MYH7B: variants seen among roughly 807,000 people sequenced by gnomAD.
The protein encoded by MYH7B is myosin heavy chain 7B.
In MYH7B, 205 loss-of-function variants were observed where a neutral mutation model predicts 234.5. The observed-to-expected ratio is 0.87, with a 90% CI of 0.78 to 0.98. MYH7B has a LOEUF of 0.98. Ranked by LOEUF, MYH7B falls within the 50% of genes least tolerant of loss-of-function variation. MYH7B has a pLI of 0.00. For synonymous variants in MYH7B, 1,193 were observed against 1,105.0 expected (o/e 1.08, Z -1.58); for missense variants, 2,652 against 2,633.4 (o/e 1.01, Z -0.15).
intron 5 of MYH7B, 130 bp from the exon 6 acceptor site, chr20:34,979,260 A>G: frequency 4.6e-6 from 3 of 655,998 alleles, no homozygotes; most frequent in Non-Finnish European, 7.7e-6. Context: ...CTTCACTGGA[A>G]CTCCTGGGTC....
chr20:34,992,566 T>G (rs1354460979), intron 24 of MYH7B, among the ~76,000 whole-genome samples: 1 of 147,250 alleles, frequency 6.8e-6, no homozygotes, highest in Non-Finnish European at 1.5e-5. Flanking sequence ...GTTGTGTTTT[T>G]TTTTTTTTTT....
At chr20:34,994,095 T>C (rs1362020474) in intron 26 of MYH7B, 51 bp from the exon 27 acceptor site, 8 of 1,594,004 alleles carry the variant, frequency 5.0e-6, no homozygotes, top group African/African-American at 1.3e-5. Context: ...GTGTCACCAT[T>C]TGTGACGGGC....
chr20:34,995,362 G>A (rs2082235154), exon 28 of MYH7B: 2 of 1,613,630 alleles, frequency 1.2e-6, no homozygotes, highest in Non-Finnish European at 1.7e-6. Flanking sequence ...CAGATGCCGA[G>A]GAGCGCTGCC....
intron 10 of MYH7B, among the ~76,000 whole-genome samples, chr20:34,983,272 CTTTT>C (rs1414194372): frequency 2.2e-5 from 3 of 134,446 alleles, no homozygotes; most frequent in South Asian, 2.5e-4. Context: ...TTTTCTCTTT[CTTTT>C]TTCTTTCTTT....
chr20:34,980,440 C>T (rs1391213302), intron 7 of MYH7B, 138 bp from the exon 8 acceptor site: 3 of 742,914 alleles, frequency 4.0e-6, no homozygotes, highest in South Asian at 3.3e-5. Flanking sequence ...TCCTAGCTAC[C>T]CTGGGAGGCT....
chr20:34,975,558 T>C (rs896396152), intron 3 of MYH7B, 59 bp downstream of exon 3: 2 of 709,622 alleles, frequency 2.8e-6, no homozygotes, highest in Admixed American at 2.0e-5. Context: ...CTTTATAAGA[T>C]CATTCACTGC....
exon 45 of MYH7B, chr20:35,002,281 CCT>C (rs2082408152): frequency 7.0e-7 from 1 of 1,420,166 alleles, no homozygotes; most frequent in South Asian, 1.4e-5. Flanking sequence ...TGCATCGCCC[CCT>C]GCTGCCTTCA....
intron 38 of MYH7B, 108 bp from the exon 39 acceptor site, chr20:35,000,185 G>C (rs937528016): frequency 4.5e-6 from 6 of 1,320,228 alleles, no homozygotes; most frequent in Non-Finnish European, 6.2e-6. Context: ...ATCGGGGAGG[G>C]GTGACTCATT....
At chr20:34,984,792 G>T in intron 11 of MYH7B, 62 bp from the exon 12 acceptor site, 1 of 1,601,672 alleles carries the variant, frequency 6.2e-7, no homozygotes, top group African/African-American at 1.3e-5. Flanking sequence ...GCCACGGGTG[G>T]CTCTGGCCTC....
chr20:34,957,510 C>T (rs1180894199), intron 1 of MYH7B, among the ~76,000 whole-genome samples: 2 of 91,682 alleles, frequency 2.2e-5, no homozygotes, highest in African/African-American at 4.0e-5. Context: ...TTTTTTGAGA[C>T]GGAGTTTTCG....
exon 39 of MYH7B, chr20:35,000,508 A>C: frequency 6.3e-7 from 1 of 1,597,372 alleles, no homozygotes; most frequent in Middle Eastern, 2.1e-4. Context: ...GGGCGGGACG[A>C]GGAGCAGCGG....
At chr20:34,960,361 G>C (rs1172181165) in intron 2 of MYH7B, among the ~76,000 whole-genome samples, 1 of 151,866 alleles carries the variant, frequency 6.6e-6, no homozygotes, top group African/African-American at 2.4e-5. Flanking sequence ...TCAGCCTCCC[G>C]AGTAGCTGGG....
At position 34,981,017 on chromosome 20, in the gene MYH7B, C is replaced by T; in HGVS notation, c.500-16C>T. On this transcript the variant is annotated splice_polypyrimidine_tract_variant and intron_variant, in intron 8 of 44. Transcript: ENST00000262873. ...ACACCTTGGCTGACTTCTCTATCCC[C>T]TTCCCTTTCCTCCAGACCGAGACAA... is the stretch of plus-strand genomic sequence containing the variant. The T allele has an allele frequency of 6.2e-7, 1 of 1,614,168 alleles. No individual in the cohort carries two copies. The highest frequency in any genetic ancestry group is 8.5e-7 in the Non-Finnish European group (1 of 1,180,016).
At chr20:35,001,490 C>G (rs1050467217) in exon 43 of MYH7B, 4 of 1,610,392 alleles carry the variant, frequency 2.5e-6, no homozygotes, top group Non-Finnish European at 2.5e-6. Flanking sequence ...AGCTGCAGAG[C>G]AAGGTCAAGA....
At chr20:34,993,440 G>T in exon 26 of MYH7B, 1 of 1,609,698 alleles carries the variant, frequency 6.2e-7, no homozygotes, top group Non-Finnish European at 8.5e-7. Context: ...CGCCTCATGC[G>T]CCTTGAGTAC....
At chr20:34,975,259 C>T in intron 2 of MYH7B, 141 bp from the exon 3 acceptor site, 1 of 440,150 alleles carries the variant, frequency 2.3e-6, no homozygotes, top group Non-Finnish European at 4.0e-6. Flanking sequence ...AGCTGGAGTG[C>T]AATGGTGTGA....
At chr20:34,987,347 G>T in intron 16 of MYH7B, 60 bp downstream of exon 16, 1 of 1,591,644 alleles carries the variant, frequency 6.3e-7, no homozygotes, top group South Asian at 1.1e-5. Context: ...GTCCATGATG[G>T]TTAACCCCAA....
chr20:34,999,750 T>TGCCCCCCCC, intron 37 of MYH7B, 41 bp from the exon 38 acceptor site: 2 of 1,320,526 alleles, frequency 1.5e-6, no homozygotes. Flanking sequence ...CCACTGGCCA[T>TGCCCCCCCC]CCCCCCCCCC....
rs373656467 is a variant in MYH7B, at chr20:35,002,091, G to T, written c.5814+6G>T. The T allele has an allele frequency of 4.3e-6, 7 of 1,613,390 alleles. No individual in the cohort carries two copies. In the African/African-American group the frequency reaches 9.3e-5, roughly 22 times the overall value. On this transcript the variant is annotated splice_donor_region_variant and intron_variant, in intron 44 of 44. Transcript: ENST00000262873. ...GGGACGCCCTGGGCCCCAAGGTGAG[G>T]AGTGGCAGGGGCATTGCTCTCTGTG...
Sources: allele counts gnomAD v4.1 joint callset (sites outside exome capture counted in the v4.1 genomes callset), GRCh38; gene constraint gnomAD v4.1.1; transcripts MANE v1.5; gene names NCBI Gene and HGNC (gene_info 2026-07-23, HGNC 2026-07-21).